The following SLC15A5 variants were observed in gnomAD, a reference collection of about 807,000 sequenced individuals.
SLC15A5 encodes the protein solute carrier family 15 member 5, also known as Peptide/histidine transporter ENSP00000340402.
In SLC15A5, 58 loss-of-function variants were observed where a neutral mutation model predicts 56.1. The observed-to-expected ratio is 1.03, with a 90% confidence interval of 0.84 to 1.29. The LOEUF (loss-of-function observed/expected upper bound fraction) is 1.29, where lower values mean the gene tolerates loss of function less well. SLC15A5 is among the 50% of genes most tolerant of loss of function. The pLI is 0.00. For synonymous variants in SLC15A5, 264 were observed against 250.5 expected (o/e 1.05, Z -0.51); for missense variants, 681 against 672.1 (o/e 1.01, Z -0.15).
At chr12:16,256,283 A>T (rs1331511124) in intron 3 of SLC15A5, among the ~76,000 whole-genome samples, 2 of 152,218 alleles carry the variant, frequency 1.3e-5, no homozygotes, top group African/African-American at 4.8e-5. Context: ...AAGAGGAAGA[A>T]ATATAGAATA....
intron 7 of SLC15A5, 112 bp from the exon 8 acceptor site, chr12:16,194,565 C>CA: frequency 1.7e-6 from 1 of 599,458 alleles, no homozygotes; most frequent in South Asian, 3.4e-5. Flanking sequence ...ATCCACAAAG[C>CA]AAAAAAGCTC....
In SLC15A5 at chr12:16,189,572, ATATATTGG is replaced by A. The variant is rs1314615467; in HGVS notation, c.*88_*95del. On this transcript the variant is annotated 3_prime_UTR_variant, in exon 9 of 9. Transcript: ENST00000344941. Reference sequence around the variant, plus strand: ...ATGATATTTGTAAAATCACCTCTGTATATATTGGCTTTTACACTAAAACACATAAAATG... The same window carrying A: ...ATGATATTTGTAAAATCACCTCTGTACTTTTACACTAAAACACATAAAATG... The A allele has an allele frequency of 9.3e-7, 1 of 1,071,752 alleles. No individual in the cohort carries two copies. The highest frequency in any genetic ancestry group is 1.2e-6 in the Non-Finnish European group (1 of 810,820). 66.4% of individuals were successfully genotyped at this position (1,071,752 alleles called of 1,614,324 possible). A position where few individuals can be genotyped will look rare whatever the true frequency, so the allele number is the denominator to read the frequency against.
rs1181400809 is a variant in SLC15A5 at position 16,260,846 on chromosome 12, G to A, written c.585-2976C>T. Reference sequence around the variant, plus strand: ...ATTAATTTTAGTAGAGTGTCATGGGGTAATTATTTCCTATATGGATATTCA... The same window carrying A: ...ATTAATTTTAGTAGAGTGTCATGGGATAATTATTTCCTATATGGATATTCA... On this transcript the variant is annotated intron_variant, in intron 2 of 8. Transcript: ENST00000344941. Among the ~76,000 whole-genome samples, 7 of 151,826 alleles carry A rather than the reference G, an allele frequency of 4.6e-5. No homozygotes were observed. In the South Asian group the frequency reaches 6.2e-4, roughly 13 times the overall value.
In SLC15A5 at chr12:16,197,767, A is replaced by C. The variant is rs1353307367; in HGVS notation, c.1484-3314T>G. 1.6e-5 allele frequency among the ~76,000 whole-genome samples: 2 copies of C among 127,158 alleles called. 1 individual carries two copies. The highest frequency in any genetic ancestry group is 4.8e-4 in the South Asian group (2 of 4,192). 83.4% of individuals were successfully genotyped at this position (127,158 alleles called of 152,430 possible). A position where few individuals can be genotyped will look rare whatever the true frequency, so the allele number is the denominator to read the frequency against. On this transcript the variant is annotated intron_variant, in intron 7 of 8. Transcript: ENST00000344941. ...TTCTGTATGCCTTTTTTTTTTTTTT[A>C]TCATTGTCCCAGGACTGGTTGTAAA...
intron 8 of SLC15A5, among the ~76,000 whole-genome samples, chr12:16,192,402 C>T (rs1592104633): frequency 6.6e-6 from 1 of 152,008 alleles, no homozygotes; most frequent in African/African-American, 2.4e-5. Context: ...AGTCACTTCT[C>T]ATCTTTGGTT....
chr12:16,195,836 C>T (rs148353824), intron 7 of SLC15A5, among the ~76,000 whole-genome samples: 6 of 152,204 alleles, frequency 3.9e-5, no homozygotes, highest in Non-Finnish European at 5.9e-5. Flanking sequence ...TGCCACTTCC[C>T]ATTTAAAGCT....
intron 7 of SLC15A5, among the ~76,000 whole-genome samples, chr12:16,195,046 G>A (rs549216126): frequency 2.6e-4 from 40 of 152,020 alleles, no homozygotes; most frequent in South Asian, 8.3e-4. Flanking sequence ...CACCTAATAA[G>A]TAAATTCTTC....
At chr12:16,236,988 A>G (rs1346954137) in intron 5 of SLC15A5, among the ~76,000 whole-genome samples, 1 of 152,220 alleles carries the variant, frequency 6.6e-6, no homozygotes, top group African/African-American at 2.4e-5. Flanking sequence ...ACCCTGATCT[A>G]TTAAATGATG....
At chr12:16,232,931 A>G (rs61915928) in intron 5 of SLC15A5, among the ~76,000 whole-genome samples, 1 of 150,552 alleles carries the variant, frequency 6.6e-6, no homozygotes. Flanking sequence ...GAAAAAAAGA[A>G]AGAGAGAGAG....
At chr12:16,266,009 TA>T (rs1206243363) in intron 2 of SLC15A5, among the ~76,000 whole-genome samples, 1 of 152,100 alleles carries the variant, frequency 6.6e-6, no homozygotes, top group Non-Finnish European at 1.5e-5. Flanking sequence ...AAACACAACG[TA>T]AAAAAACTAA....
In SLC15A5 at chr12:16,272,578, C is replaced by T. The variant is rs985823210; in HGVS notation, c.567G>A (p.Thr189=). The part of the protein sequence containing the change: ...FGLQEYGSQK[T]MSFFNWFYWL... ...CTACTTACCAGTTAAAAAAAGACAT[C>T]GTTTTTTGTGATCCATACTCCTGAA... The change falls in exon 2 of 9, where the codon ACG becomes ACA. Residue 189 remains threonine (T), a synonymous_variant. Transcript: ENST00000344941. 11 of 1,536,696 alleles carry T rather than the reference C, an allele frequency of 7.2e-6. No individual in the cohort carries two copies. The highest frequency in any genetic ancestry group is 2.0e-5 in the Admixed American group (1 of 50,950).
At chr12:16,247,960 A>T (rs912234173) in intron 3 of SLC15A5, among the ~76,000 whole-genome samples, 2 of 152,168 alleles carry the variant, frequency 1.3e-5, no homozygotes, top group African/African-American at 4.8e-5. Context: ...GGTGACCCAG[A>T]CTAGTACAGT....
rs533287868 is a variant in SLC15A5, at chr12:16,240,964, C to T, written c.976-1097G>A. ...AGTAGCTGAGACTACAGGCGCCCGC[C>T]ACCACGCCTGGCTAATTTTTCTGTA... is the stretch of plus-strand genomic sequence containing the variant. On this transcript the variant is annotated intron_variant, in intron 4 of 8. Coordinates refer to ENST00000344941, the MANE Select transcript of SLC15A5 (RefSeq NM_001170798.1). Among the ~76,000 whole-genome samples the T allele has an allele frequency of 3.9e-5, 6 of 152,166 alleles. No homozygotes were observed. In the East Asian group the frequency reaches 9.7e-4, roughly 24 times the overall value.
chr12:16,195,431 C>A (rs1863884414), intron 7 of SLC15A5, among the ~76,000 whole-genome samples: 1 of 151,990 alleles, frequency 6.6e-6, no homozygotes. Flanking sequence ...CTACAGAATG[C>A]TTAAAAGGGA....
intron 6 of SLC15A5, among the ~76,000 whole-genome samples, chr12:16,219,732 G>C (rs1864167844): frequency 1.4e-5 from 2 of 147,360 alleles, no homozygotes; most frequent in Admixed American, 1.4e-4. Context: ...CTGATCTTTT[G>C]AAACTTTAGT....
intron 3 of SLC15A5, among the ~76,000 whole-genome samples, chr12:16,249,414 T>C (rs967870349): frequency 2.6e-5 from 4 of 152,114 alleles, no homozygotes; most frequent in Non-Finnish European, 4.4e-5. Flanking sequence ...TACTTCATCA[T>C]AGTTGGGTGA....
At chr12:16,245,869 C>A (rs1171129147) in intron 3 of SLC15A5, among the ~76,000 whole-genome samples, 17 of 151,970 alleles carry the variant, frequency 1.1e-4, no homozygotes, top group Admixed American at 1.1e-3. Flanking sequence ...GCCATAGAGT[C>A]TTGGTTTTTA....
intron 5 of SLC15A5, 146 bp downstream of exon 5, chr12:16,239,535 G>T: frequency 2.7e-6 from 2 of 738,674 alleles, no homozygotes; most frequent in Non-Finnish European, 2.1e-6. Context: ...TTCGGAAGAT[G>T]GGTGTTATCA....
intron 2 of SLC15A5, among the ~76,000 whole-genome samples, chr12:16,266,265 G>C (rs1864695163): frequency 6.6e-6 from 1 of 152,098 alleles, no homozygotes; most frequent in Non-Finnish European, 1.5e-5. Flanking sequence ...CAAAAGCACT[G>C]TTACAGTGCT....
Sources: gnomAD v4.1 joint callset for allele counts (sites outside exome capture counted in the v4.1 genomes callset) on GRCh38, gnomAD v4.1.1 for gene constraint, MANE v1.5 for transcripts, NCBI Gene and HGNC (gene_info 2026-07-23, HGNC 2026-07-21) for gene names.